FBXL20: variants seen among roughly 807,000 people sequenced by gnomAD.
The protein encoded by FBXL20 is F-box/LRR-repeat protein 20.
In FBXL20, 11 loss-of-function variants were observed where a neutral mutation model predicts 64.0. The observed-to-expected ratio is 0.17, with a 90% CI of 0.11 to 0.28. FBXL20 has a LOEUF of 0.28. FBXL20 is among the 10% of genes least tolerant of loss of function. The pLI is 1.00. For synonymous variants in FBXL20, 184 were observed against 189.0 expected, an observed-to-expected ratio of 0.97 and a Z score of 0.22; for missense variants, 303 against 526.2, an observed-to-expected ratio of 0.58 and a Z score of 4.15.
intron 1 of FBXL20, among the ~76,000 whole-genome samples, chr17:39,396,025 T>A (rs1597841131): frequency 7.3e-6 from 1 of 136,400 alleles, no homozygotes; most frequent in African/African-American, 2.9e-5. Context: ...TTTTTTTTTT[T>A]AATTCATTTG....
At chr17:39,401,240 G>C (rs2048239652) in intron 1 of FBXL20, 121 bp downstream of exon 1, 6 of 1,564,378 alleles carry the variant, frequency 3.8e-6, no homozygotes, top group Non-Finnish European at 5.2e-6. Flanking sequence ...GAGTCTGGCA[G>C]CCCCGCCAGT....
In FBXL20 at chr17:39,352,270, C is replaced by T. The variant is rs370470126; in HGVS notation, c.43-9029G>A. ...AAGAGCCAGGCACAGTGGTGTGTGC[C>T]GGTAGTTCCAGCTACTTGGTAGGCT... On this transcript the variant is annotated intron_variant, in intron 1 of 14. Coordinates refer to ENST00000264658, the MANE Select transcript of FBXL20 (RefSeq NM_032875.3). Among the ~76,000 whole-genome samples, 6 of 152,006 alleles carry T rather than the reference C, an allele frequency of 3.9e-5. No individual in the cohort carries two copies. In the East Asian group the frequency reaches 7.7e-4, roughly 20 times the overall value.
upstream of FBXL20, chr17:39,402,329 A>C (rs972009230): frequency 1.4e-6 from 1 of 733,658 alleles, no homozygotes; most frequent in Non-Finnish European, 1.9e-6. Flanking sequence ...AGTGCATTAC[A>C]TTACGGGGTG....
chr17:39,300,746 T>C (rs1036386445), intron 4 of FBXL20, among the ~76,000 whole-genome samples: 1 of 152,154 alleles, frequency 6.6e-6, no homozygotes, highest in African/African-American at 2.4e-5. Flanking sequence ...AAACTTTTAG[T>C]CCTATTTCAA....
intron 5 of FBXL20, among the ~76,000 whole-genome samples, chr17:39,298,585 G>C (rs2047107217): frequency 6.6e-6 from 1 of 152,068 alleles, no homozygotes; most frequent in African/African-American, 2.4e-5. Context: ...GCCAGGCGTG[G>C]TGGTACACGT....
At chr17:39,358,672 ACT>A (rs1044919725) in intron 1 of FBXL20, among the ~76,000 whole-genome samples, 6 of 151,782 alleles carry the variant, frequency 4.0e-5, no homozygotes, top group African/African-American at 1.2e-4. Context: ...ACAGAGTGAG[ACT>A]CTGTCTCAAA....
chr17:39,336,714 C>T (rs1385628657), intron 2 of FBXL20, among the ~76,000 whole-genome samples: 1 of 151,768 alleles, frequency 6.6e-6, no homozygotes, highest in East Asian at 1.9e-4. Flanking sequence ...ATCCCAGCTA[C>T]TCAGGAGGCC....
intron 1 of FBXL20, among the ~76,000 whole-genome samples, chr17:39,343,757 A>C (rs912224116): frequency 5.4e-5 from 8 of 149,214 alleles, no homozygotes; most frequent in Non-Finnish European, 1.2e-4. Flanking sequence ...GTACAGTGGC[A>C]TGATCTCAGC....
intron 6 of FBXL20, among the ~76,000 whole-genome samples, chr17:39,294,796 G>A (rs1449596520): frequency 2.0e-5 from 3 of 152,010 alleles, no homozygotes; most frequent in African/African-American, 7.2e-5. Context: ...CAGATCACCT[G>A]AGGTCAGGAG....
At chr17:39,394,445 T>C (rs2048163628) in intron 1 of FBXL20, among the ~76,000 whole-genome samples, 1 of 151,792 alleles carries the variant, frequency 6.6e-6, no homozygotes, top group South Asian at 2.1e-4. Context: ...GCTAATTTTT[T>C]TTTTTGTATT....
rs759697891 is a variant in FBXL20, at chr17:39,282,718, T to A, written c.621+11A>T. On this transcript the variant is annotated intron_variant, in intron 8 of 14. Coordinates refer to ENST00000264658, the MANE Select transcript of FBXL20 (RefSeq NM_032875.3). ...TCTTCCGAATTTCACGAGCCCTACA[T>A]GGAGTATTACCTGCGTGCAGCCTTT... 3 of 1,614,100 alleles carry A rather than the reference T, an allele frequency of 1.9e-6. No individual in the cohort carries two copies. Among genetic ancestry groups the A allele is most frequent in the Non-Finnish European group, 2.5e-6 (3 of 1,179,994 alleles).
intron 3 of FBXL20, among the ~76,000 whole-genome samples, chr17:39,302,238 G>A (rs906220362): frequency 3.3e-5 from 5 of 151,856 alleles, no homozygotes; most frequent in African/African-American, 1.2e-4. Flanking sequence ...TTGAGACACG[G>A]TGTCACTGTC....
At chr17:39,322,519 A>G (rs1597797192) in intron 2 of FBXL20, among the ~76,000 whole-genome samples, 1 of 152,244 alleles carries the variant, frequency 6.6e-6, no homozygotes, top group East Asian at 1.9e-4. Context: ...AAATACTAAG[A>G]TTGAGAAGTG....
At chr17:39,288,812 G>A (rs1205505144) in intron 6 of FBXL20, among the ~76,000 whole-genome samples, 2 of 151,930 alleles carry the variant, frequency 1.3e-5, no homozygotes, top group African/African-American at 4.8e-5. Context: ...AGGTTCAAGC[G>A]ATTCTCCTGC....
At chr17:39,269,843 TG>T (rs1458310802) in intron 11 of FBXL20, among the ~76,000 whole-genome samples, 1 of 152,182 alleles carries the variant, frequency 6.6e-6, no homozygotes, top group East Asian at 1.9e-4. Context: ...TTGCCCGGGC[TG>T]GGCTCAAGCG....
At position 39,254,733 on chromosome 17, in the gene FBXL20, A is replaced by G. The variant is rs2046679658; in HGVS notation, c.*6727T>C. On this transcript the variant is annotated 3_prime_UTR_variant, in exon 15 of 15. Transcript: ENST00000264658. ...GCTGTACCTGAGGCAAAGTACCCCA[A>G]TTCTAGAGCTAATTATCTGCTTTAT... The G allele has an allele frequency of 6.5e-6, 1 of 154,542 alleles. No individual in the cohort carries two copies. Among genetic ancestry groups the G allele is most frequent in the African/African-American group, 2.4e-5 (1 of 41,538 alleles). 9.6% of individuals were successfully genotyped at this position (154,542 alleles called of 1,614,324 possible). A position where few individuals can be genotyped will look rare whatever the true frequency, so the allele number is the denominator to read the frequency against.
intron 2 of FBXL20, among the ~76,000 whole-genome samples, chr17:39,317,990 G>A (rs1305394972): frequency 2.0e-5 from 3 of 152,004 alleles, no homozygotes; most frequent in Non-Finnish European, 2.9e-5. Flanking sequence ...GTGAGCCACC[G>A]CTCGCGGCCT....
At chr17:39,361,011 C>T (rs899420493) in intron 1 of FBXL20, among the ~76,000 whole-genome samples, 9 of 152,170 alleles carry the variant, frequency 5.9e-5, no homozygotes, top group African/African-American at 2.2e-4. Flanking sequence ...TCTTGACACC[C>T]GTTCAGCCTT....
chr17:39,275,440 C>T (rs2092283612), intron 9 of FBXL20, among the ~76,000 whole-genome samples: 1 of 151,990 alleles, frequency 6.6e-6, no homozygotes, highest in Non-Finnish European at 1.5e-5. Context: ...GAGATAGAGT[C>T]TCACTCTATC....
Sources: gnomAD v4.1 joint callset for allele counts (sites outside exome capture counted in the v4.1 genomes callset) on GRCh38, gnomAD v4.1.1 for gene constraint, MANE v1.5 for transcripts, NCBI Gene and HGNC (gene_info 2026-07-23, HGNC 2026-07-21) for gene names.